Variants in PAX5 observed in about 807,000 individuals in gnomAD.
PAX5 encodes the protein paired box protein Pax-5.
PAX5 carries 9 observed loss-of-function variants against 43.7 expected under a neutral mutation model. That is an observed-to-expected ratio of 0.21 (90% CI 0.12 to 0.36). The LOEUF (loss-of-function observed/expected upper bound fraction) is 0.36, where lower values mean the gene tolerates loss of function less well. Among genes scored for constraint, PAX5 ranks in the 10% least tolerant of loss-of-function variants. PAX5 has a pLI of 1.00. For synonymous variants in PAX5, 228 were observed against 214.3 expected, an observed-to-expected ratio of 1.06 and a Z score of -0.56; for missense variants, 383 against 532.7, an observed-to-expected ratio of 0.72 and a Z score of 2.77.
chr9:37,018,992 G>T (rs529382133), intron 2 of PAX5, among the ~76,000 whole-genome samples: 1 of 152,078 alleles, frequency 6.6e-6, no homozygotes, highest in African/African-American at 2.4e-5. Flanking sequence ...CAGCAAAGAT[G>T]TCTCAGCAAA....
chr9:36,972,021 T>C (rs1331685664), intron 5 of PAX5, among the ~76,000 whole-genome samples: 1 of 152,240 alleles, frequency 6.6e-6, no homozygotes, highest in Non-Finnish European at 1.5e-5. Flanking sequence ...AAAATCATCA[T>C]GCGCTTTATG....
At chr9:36,983,817 C>G (rs942209288) in intron 5 of PAX5, among the ~76,000 whole-genome samples, 6 of 152,116 alleles carry the variant, frequency 3.9e-5, no homozygotes, top group African/African-American at 1.4e-4. Context: ...TCCAAGGCGC[C>G]TCCAGTTCTA....
At chr9:36,994,551 A>G (rs1424269975) in intron 5 of PAX5, among the ~76,000 whole-genome samples, 1 of 152,206 alleles carries the variant, frequency 6.6e-6, no homozygotes, top group Non-Finnish European at 1.5e-5. Context: ...GCCTCCCATT[A>G]GCTTCAGCTG....
intron 6 of PAX5, among the ~76,000 whole-genome samples, chr9:36,956,945 A>G (rs2132137098): frequency 6.6e-6 from 1 of 152,356 alleles, no homozygotes; most frequent in South Asian, 2.1e-4. Context: ...TTAAATCTTA[A>G]GCAGTTCAGT....
At chr9:36,889,585 C>T (rs908703419) in intron 7 of PAX5, among the ~76,000 whole-genome samples, 11 of 152,296 alleles carry the variant, frequency 7.2e-5, no homozygotes, top group African/African-American at 2.6e-4. Context: ...CAAACGGAGG[C>T]GTTCTGGCAC....
At chr9:36,974,921 G>A (rs902584304) in intron 5 of PAX5, among the ~76,000 whole-genome samples, 2 of 152,052 alleles carry the variant, frequency 1.3e-5, no homozygotes, top group African/African-American at 2.4e-5. Flanking sequence ...GCCCTCATGT[G>A]TCTCTTCCCC....
At chr9:36,905,638 G>T (rs565941698) in intron 7 of PAX5, among the ~76,000 whole-genome samples, 1 of 152,180 alleles carries the variant, frequency 6.6e-6, no homozygotes, top group Non-Finnish European at 1.5e-5. Context: ...CCTGGATAAA[G>T]GTTCCACTGG....
rs1368598939 is a variant in PAX5 at position 36,835,238 on chromosome 9, C to G, written c.*5322G>C. On this transcript the variant is annotated 3_prime_UTR_variant, in exon 10 of 10. Transcript: ENST00000358127. ...AAAGGGGACCCCTTGGATTGAAACT[C>G]TAGAATGGCAGTGACATGATTCTGA... is the stretch of plus-strand genomic sequence containing the variant. 2 of 233,164 alleles carry G rather than the reference C, an allele frequency of 8.6e-6. No homozygotes were observed. The highest frequency in any genetic ancestry group is 1.7e-5 in the Non-Finnish European group (2 of 118,030). The allele number at this position is 233,164 out of a possible 1,614,324, so 14.4% of individuals were successfully genotyped here. A position where few individuals can be genotyped will look rare whatever the true frequency, so the allele number is the denominator to read the frequency against.
intron 6 of PAX5, among the ~76,000 whole-genome samples, chr9:36,936,446 C>A (rs1831558870): frequency 6.6e-6 from 1 of 152,178 alleles, no homozygotes; most frequent in Non-Finnish European, 1.5e-5. Context: ...CCAGGCAGTC[C>A]ATGATGGGGC....
chr9:37,000,998 C>A (rs1486826042), intron 5 of PAX5, among the ~76,000 whole-genome samples: 2 of 152,192 alleles, frequency 1.3e-5, no homozygotes, highest in Non-Finnish European at 2.9e-5. Context: ...GGACACAATC[C>A]CATTTGTCAC....
chr9:36,882,010 C>T lies in PAX5; in HGVS notation c.1006G>A (p.Val336Met), dbSNP rs1298513027. Residue 336 changes from valine (V) to methionine (M), a missense_variant, in exon 8 of 10, where the codon GTG becomes ATG. Transcript: ENST00000358127. The surrounding 1 kb of genome is among the most constrained non-coding windows in gnomAD (Gnocchi z 4.4). ...SYSAPTLTGM[V>M]PGSEFSGSPY... is the part of the protein sequence containing the mutation. ...GCCGACAGTGCAAACTCACCAGGCA[C>T]CATCCCTGTCAGCGTCGGTGCTGAG... The T allele has an allele frequency of 1.9e-6, 3 of 1,610,916 alleles. No individual in the cohort carries two copies. Among genetic ancestry groups the T allele is most frequent in the South Asian group, 2.2e-5 (2 of 90,298 alleles).
At chr9:36,870,595 G>A (rs1159385326) in intron 8 of PAX5, among the ~76,000 whole-genome samples, 1 of 152,208 alleles carries the variant, frequency 6.6e-6, no homozygotes, top group Non-Finnish European at 1.5e-5. Context: ...ATTTATTAAT[G>A]TCAGTTTTCT....
chr9:36,967,547 A>T (rs572145987), intron 5 of PAX5, among the ~76,000 whole-genome samples: 55 of 152,364 alleles, frequency 3.6e-4, no homozygotes, highest in African/African-American at 1.3e-3. Context: ...ATATGAAAAG[A>T]TCTTCAAGAT....
chr9:36,863,979 T>C (rs10973111), intron 8 of PAX5, among the ~76,000 whole-genome samples: 3,484 of 152,244 alleles, frequency 0.023, 54 homozygotes, highest in Non-Finnish European at 0.035. Context: ...CATGGTGGCA[T>C]GTGCCTGTAG....
intron 1 of PAX5, among the ~76,000 whole-genome samples, chr9:37,031,962 G>C (rs1340068598): frequency 6.6e-6 from 1 of 152,232 alleles, no homozygotes; most frequent in Non-Finnish European, 1.5e-5. Context: ...AACCCTTTGA[G>C]CACCAGCTTG....
At chr9:36,969,456 T>C (rs1306057887) in intron 5 of PAX5, among the ~76,000 whole-genome samples, 1 of 152,232 alleles carries the variant, frequency 6.6e-6, no homozygotes, top group Non-Finnish European at 1.5e-5. Flanking sequence ...GCAAGGTCAC[T>C]GTCTGGTCAC....
chr9:37,008,800 C>T (rs920419773), intron 3 of PAX5, among the ~76,000 whole-genome samples: 1 of 152,104 alleles, frequency 6.6e-6, no homozygotes, highest in African/African-American at 2.4e-5. Flanking sequence ...TAAGCAAACT[C>T]GAAGCATATT....
intron 8 of PAX5, among the ~76,000 whole-genome samples, chr9:36,876,820 G>C (rs528850480): frequency 1.2e-4 from 18 of 152,354 alleles, no homozygotes; most frequent in African/African-American, 3.8e-4. Flanking sequence ...ATGTTTTGCA[G>C]ACATGGGGAT....
At chr9:36,859,587 T>C (rs10814463) in intron 8 of PAX5, among the ~76,000 whole-genome samples, 27,549 of 151,964 alleles carry the variant, frequency 0.18, 2,564 homozygotes, top group Middle Eastern at 0.33. Context: ...TGCCCCCTCC[T>C]CCCTCCCCGG....
Sources: allele counts gnomAD v4.1 joint callset (sites outside exome capture counted in the v4.1 genomes callset), GRCh38; gene constraint gnomAD v4.1.1; non-coding constraint Gnocchi (gnomAD v3.1); transcripts MANE v1.5; gene names NCBI Gene and HGNC (gene_info 2026-07-23, HGNC 2026-07-21).